The following THSD7B variants were observed in gnomAD, a reference collection of about 807,000 sequenced individuals.
The protein encoded by THSD7B is thrombospondin type 1 domain containing 7B.
Under a neutral mutation model 213.6 loss-of-function variants are expected in THSD7B, and 138 were observed. The observed-to-expected ratio is 0.65, with a 90% CI of 0.56 to 0.74. THSD7B has a LOEUF of 0.74. Among genes scored for constraint, THSD7B ranks in the 30% least tolerant of loss-of-function variants. The pLI is 0.00. For missense variants in THSD7B, 1,931 were observed against 1,991.5 expected, an observed-to-expected ratio of 0.97 and a Z score of 0.58; for synonymous variants, 742 against 687.0, an observed-to-expected ratio of 1.08 and a Z score of -1.25.
At chr2:137,333,892 A>C (rs1317361524) in intron 12 of THSD7B, among the ~76,000 whole-genome samples, 3 of 152,184 alleles carry the variant, frequency 2.0e-5, no homozygotes, top group African/African-American at 7.2e-5. Context: ...GTTGAGTGGA[A>C]AAGCTCTCTC....
chr2:137,562,360 G>C (rs1431812210), intron 15 of THSD7B, among the ~76,000 whole-genome samples: 1 of 152,052 alleles, frequency 6.6e-6, no homozygotes, highest in Non-Finnish European at 1.5e-5. Flanking sequence ...CCTAGAAAGA[G>C]CACTGTTCCT....
At chr2:136,865,979 A>T (rs1407512683) in intron 1 of THSD7B, among the ~76,000 whole-genome samples, 1 of 152,180 alleles carries the variant, frequency 6.6e-6, no homozygotes, top group East Asian at 1.9e-4. Flanking sequence ...GACCTGTAAG[A>T]TGACATATTG....
chr2:136,828,527 G>A (rs1682697138), intron 1 of THSD7B, among the ~76,000 whole-genome samples: 1 of 152,074 alleles, frequency 6.6e-6, no homozygotes, highest in Admixed American at 6.6e-5. Context: ...TGTACATCTG[G>A]CAATATTATT....
chr2:137,309,174 T>C (rs957031856), intron 12 of THSD7B, among the ~76,000 whole-genome samples: 9 of 152,142 alleles, frequency 5.9e-5, no homozygotes, highest in Admixed American at 5.9e-4. Flanking sequence ...CTCAATATTT[T>C]AATAGTTGTC....
At chr2:137,182,998 T>A (rs1680483008) in intron 7 of THSD7B, among the ~76,000 whole-genome samples, 1 of 152,172 alleles carries the variant, frequency 6.6e-6, no homozygotes, top group South Asian at 2.1e-4. Flanking sequence ...ATCATTATTA[T>A]AATTATCTTT....
intron 2 of THSD7B, among the ~76,000 whole-genome samples, chr2:136,923,619 G>A (rs540442872): frequency 6.6e-6 from 1 of 152,132 alleles, no homozygotes; most frequent in African/African-American, 2.4e-5. Flanking sequence ...ATTAATACTT[G>A]TTATTTCTCT....
intron 17 of THSD7B, among the ~76,000 whole-genome samples, chr2:137,612,755 T>C (rs879813315): frequency 2.0e-5 from 3 of 152,108 alleles, no homozygotes; most frequent in Non-Finnish European, 4.4e-5. Flanking sequence ...AAGATGGTTG[T>C]CAGGAAACTA....
intron 3 of THSD7B, among the ~76,000 whole-genome samples, chr2:137,093,489 C>G (rs1453427165): frequency 6.6e-6 from 1 of 152,204 alleles, no homozygotes; most frequent in Non-Finnish European, 1.5e-5. Flanking sequence ...CAATTGGCTC[C>G]TGTGAGCAGG....
At chr2:137,420,290 C>A (rs1339970535) in intron 14 of THSD7B, among the ~76,000 whole-genome samples, 2 of 152,118 alleles carry the variant, frequency 1.3e-5, no homozygotes, top group Non-Finnish European at 2.9e-5. Context: ...GGGTCTTTTG[C>A]CTTCTGTACC....
chr2:136,986,684 G>A (rs550187718), intron 2 of THSD7B, among the ~76,000 whole-genome samples: 2 of 152,168 alleles, frequency 1.3e-5, no homozygotes, highest in African/African-American at 4.8e-5. Flanking sequence ...GTCAAACAGC[G>A]CTAGTGTTCC....
intron 12 of THSD7B, among the ~76,000 whole-genome samples, chr2:137,368,224 A>G (rs1296018848): frequency 6.6e-6 from 1 of 152,110 alleles, no homozygotes; most frequent in Non-Finnish European, 1.5e-5. Flanking sequence ...GGGTATATGA[A>G]AGAAAAATCA....
At chr2:137,362,093 A>G (rs1235215901) in intron 12 of THSD7B, among the ~76,000 whole-genome samples, 1 of 152,222 alleles carries the variant, frequency 6.6e-6, no homozygotes, top group Non-Finnish European at 1.5e-5. Context: ...ATTCTTAAAG[A>G]AAAGAATTTT....
chr2:136,803,162 C>T (rs550357037), intron 1 of THSD7B, among the ~76,000 whole-genome samples: 1 of 152,066 alleles, frequency 6.6e-6, no homozygotes, highest in Admixed American at 6.5e-5. Context: ...CCCACACACA[C>T]ACACATGCAC....
intron 2 of THSD7B, among the ~76,000 whole-genome samples, chr2:136,975,028 C>T (rs1685458079): frequency 6.8e-6 from 1 of 146,440 alleles, no homozygotes; most frequent in Non-Finnish European, 1.5e-5. Flanking sequence ...GTCCTTTGCC[C>T]ACTTTTTAAT....
At chr2:137,631,529 G>A (rs1284467908) in intron 20 of THSD7B, among the ~76,000 whole-genome samples, 1 of 152,092 alleles carries the variant, frequency 6.6e-6, no homozygotes, top group Non-Finnish European at 1.5e-5. Context: ...AGCCCATAAT[G>A]AGAAAATAAT....
intron 7 of THSD7B, among the ~76,000 whole-genome samples, chr2:137,214,603 C>A (rs1681194681): frequency 6.7e-6 from 1 of 150,170 alleles, no homozygotes; most frequent in African/African-American, 2.5e-5. Flanking sequence ...CCCTGACAGG[C>A]CCCGGTGTGT....
At chr2:137,288,534 A>G (rs964225565) in intron 12 of THSD7B, among the ~76,000 whole-genome samples, 1 of 152,054 alleles carries the variant, frequency 6.6e-6, no homozygotes, top group Non-Finnish European at 1.5e-5. Context: ...GAATGACTTC[A>G]GGAATGGATT....
chr2:137,309,326 T>C (rs1236688841), intron 12 of THSD7B, among the ~76,000 whole-genome samples: 1 of 151,946 alleles, frequency 6.6e-6, no homozygotes, highest in Admixed American at 6.6e-5. Flanking sequence ...TTTGCTTTTT[T>C]GTCTTTCCCT....
chr2:137,367,251 C>T (rs1456030448), intron 12 of THSD7B, among the ~76,000 whole-genome samples: 1 of 152,122 alleles, frequency 6.6e-6, no homozygotes, highest in Non-Finnish European at 1.5e-5. Context: ...AGACACATTT[C>T]TCATTTCAAT....
Sources: allele counts gnomAD v4.1 joint callset (sites outside exome capture counted in the v4.1 genomes callset), GRCh38; gene constraint gnomAD v4.1.1; transcripts MANE v1.5; gene names NCBI Gene and HGNC (gene_info 2026-07-23, HGNC 2026-07-21).